Variants in GSTO2 observed in about 807,000 individuals in gnomAD.
GSTO2 encodes the protein glutathione S-transferase omega-2.
GSTO2 carries 23 observed loss-of-function variants against 28.4 expected under a neutral mutation model. The observed-to-expected ratio is 0.81, with a 90% CI of 0.58 to 1.15. GSTO2 has a LOEUF of 1.15. Ranked by LOEUF, GSTO2 falls within the 50% of genes most tolerant of loss-of-function variation. The pLI, the probability that GSTO2 is intolerant of heterozygous loss-of-function variation, is 0.00. For synonymous variants in GSTO2, 109 were observed against 111.0 expected (o/e 0.98, Z 0.11); for missense variants, 298 against 297.8 (o/e 1.00, Z 0.00).
intron 1 of GSTO2, among the ~76,000 whole-genome samples, 189 bp from the exon 2 acceptor site, chr10:104,274,496 T>TTA (rs2011537459): frequency 6.6e-6 from 1 of 151,908 alleles, no homozygotes; most frequent in African/African-American, 2.4e-5. Flanking sequence ...AGATTCAGAA[T>TTA]GGGAAAAAAA....
intron 5 of GSTO2, among the ~76,000 whole-genome samples, chr10:104,294,411 C>T (rs899629462): frequency 6.6e-6 from 1 of 152,138 alleles, no homozygotes; most frequent in Non-Finnish European, 1.5e-5. Flanking sequence ...TATCGAGAGT[C>T]CTGAGGACTT....
chr10:104,276,366 G>T (rs1208513467), intron 3 of GSTO2, among the ~76,000 whole-genome samples: 1 of 152,166 alleles, frequency 6.6e-6, no homozygotes, highest in African/African-American at 2.4e-5. Context: ...TATCAGCTTA[G>T]GAGCTGATGT....
In GSTO2 at chr10:104,299,414, A is replaced by G. The variant is rs879354005; in HGVS notation, c.*130A>G. ...GTTCCCAATAAAATGAAAACAGGAA[A>G]TGTATTCTTCTGATAATCATTTGTC... On this transcript the variant is annotated 3_prime_UTR_variant, in exon 7 of 7. Transcript: ENST00000338595. The G allele has an allele frequency of 1.0e-5, 11 of 1,048,762 alleles. No individual in the cohort carries two copies. Among genetic ancestry groups the G allele is most frequent in the Non-Finnish European group, 1.4e-5 (10 of 701,002 alleles). The allele number at this position is 1,048,762 out of a possible 1,614,324, so 65.0% of individuals were successfully genotyped here. A position where few individuals can be genotyped will look rare whatever the true frequency, so the allele number is the denominator to read the frequency against.
rs984589777 is a variant in GSTO2, at chr10:104,299,388, A to G, written c.*104A>G. The G allele has an allele frequency of 6.9e-6, 9 of 1,299,658 alleles. No homozygotes were observed. In the African/African-American group the frequency reaches 1.2e-4, roughly 17 times the overall value. 80.5% of individuals were successfully genotyped at this position (1,299,658 alleles called of 1,614,324 possible). A position where few individuals can be genotyped will look rare whatever the true frequency, so the allele number is the denominator to read the frequency against. On this transcript the variant is annotated 3_prime_UTR_variant, in exon 7 of 7. Transcript: ENST00000338595. ...ATCCGTCTCTCTTTCTTTTCTTTGA[A>G]GTTCCCAATAAAATGAAAACAGGAA...
At chr10:104,273,445 G>A (rs1007652654) in intron 1 of GSTO2, among the ~76,000 whole-genome samples, 1 of 152,204 alleles carries the variant, frequency 6.6e-6, no homozygotes, top group African/African-American at 2.4e-5. Context: ...AAAAAATGTA[G>A]TTGAGTCACT....
Position 104,275,297 on chromosome 10 carries a change from C to T in GSTO2, c.106C>T (p.His36Tyr). ...CAGCATGAGGTTCTGCCCCTATTCTCACAGGACCCGCCTCGTCCTCAAGGC... is the reference window on the plus strand; with the variant it reads ...CAGCATGAGGTTCTGCCCCTATTCTTACAGGACCCGCCTCGTCCTCAAGGC... ...IYSMRFCPYS[H>Y]RTRLVLKAKD... Residue 36 changes from histidine (H) to tyrosine (Y), a missense_variant, in exon 3 of 7, where the codon CAC (histidine) becomes TAC (tyrosine). By Grantham distance (83) the His-to-Tyr change is moderately conservative. Coordinates refer to ENST00000338595, the MANE Select transcript of GSTO2 (RefSeq NM_183239.2). 1 of 1,614,070 alleles carries T rather than the reference C, an allele frequency of 6.2e-7. No homozygotes were observed. The highest frequency in any genetic ancestry group is 1.3e-5 in the African/African-American group (1 of 75,040).
At chr10:104,275,506 T>G in intron 3 of GSTO2, among the ~76,000 whole-genome samples, 172 bp downstream of exon 3, 1 of 152,184 alleles carries the variant, frequency 6.6e-6, no homozygotes. Flanking sequence ...CGGGCCCTAC[T>G]GAAATGCGGA....
chr10:104,284,610 C>G (rs2012303082), intron 5 of GSTO2, among the ~76,000 whole-genome samples: 1 of 152,198 alleles, frequency 6.6e-6, no homozygotes. Context: ...AATCATTACT[C>G]TAAGCAGCAC....
At chr10:104,270,312 C>G (rs933701208) in intron 1 of GSTO2, among the ~76,000 whole-genome samples, 8 of 152,240 alleles carry the variant, frequency 5.3e-5, no homozygotes, top group East Asian at 1.9e-4. Context: ...CGCGCCCGGC[C>G]TGTATCTGCC....
intron 5 of GSTO2, among the ~76,000 whole-genome samples, chr10:104,283,225 C>A (rs1023981123): frequency 7.9e-5 from 12 of 152,206 alleles, no homozygotes; most frequent in Non-Finnish European, 8.8e-5. Context: ...TTTCACTAAC[C>A]AGCCTCGGTG....
At chr10:104,290,161 G>C (rs1197711850) in intron 5 of GSTO2, among the ~76,000 whole-genome samples, 1 of 152,190 alleles carries the variant, frequency 6.6e-6, no homozygotes, top group African/African-American at 2.4e-5. Flanking sequence ...GTTTACAATA[G>C]CTAAGATTTG....
chr10:104,293,866 C>G (rs2135139324), intron 5 of GSTO2, among the ~76,000 whole-genome samples: 1 of 149,558 alleles, frequency 6.7e-6, no homozygotes, highest in Admixed American at 6.6e-5. Context: ...TTGAATGACA[C>G]AGGGTTGACA....
In GSTO2 at chr10:104,302,159, A is replaced by T. The variant is rs2135158299; in HGVS notation, c.*2875A>T. The T allele has an allele frequency of 6.6e-6, 1 of 152,188 alleles. No individual in the cohort carries two copies. The highest frequency in any genetic ancestry group is 1.5e-5 in the Non-Finnish European group (1 of 68,018). 9.4% of individuals were successfully genotyped at this position (152,188 alleles called of 1,614,324 possible). On this transcript the variant is annotated 3_prime_UTR_variant, in exon 7 of 7. Transcript: ENST00000338595. ...TATAAAACCATTAGATCTCATGAGAACTCACTCACTGTCATGAGAAAAGCA... is the reference window on the plus strand; with the variant it reads ...TATAAAACCATTAGATCTCATGAGATCTCACTCACTGTCATGAGAAAAGCA...
intron 5 of GSTO2, chr10:104,291,543 A>G (rs1156707339): frequency 6.6e-6 from 1 of 152,318 alleles, no homozygotes; most frequent in Non-Finnish European, 1.5e-5. Flanking sequence ...CGCGCCTCGC[A>G]CTGATGGCCA....
At chr10:104,276,223 ATC>A (rs1164201019) in intron 3 of GSTO2, among the ~76,000 whole-genome samples, 1 of 152,228 alleles carries the variant, frequency 6.6e-6, no homozygotes, top group East Asian at 1.9e-4. Context: ...AATTATGTAA[ATC>A]TGCCTTGTTG....
chr10:104,293,594 G>GTTTTTT (rs2012888960), intron 5 of GSTO2, among the ~76,000 whole-genome samples: 3 of 71,456 alleles, frequency 4.2e-5, no homozygotes, highest in African/African-American at 1.7e-4. Context: ...TTGCGACAAG[G>GTTTTTT]TCTTTCTCTA....
intron 5 of GSTO2, among the ~76,000 whole-genome samples, chr10:104,292,012 T>G (rs555585884): frequency 1.3e-5 from 2 of 152,268 alleles, no homozygotes; most frequent in South Asian, 4.2e-4. Flanking sequence ...ATCTGAGGCC[T>G]AGAAGCTAGA....
In GSTO2 at chr10:104,304,248, C is replaced by T. The variant is rs1380687982; in HGVS notation, c.*4964C>T. On this transcript the variant is annotated 3_prime_UTR_variant, in exon 7 of 7. Transcript: ENST00000338595. Reference sequence around the variant, plus strand: ...TTCTTTGAGTGCCTGGAAGGCTGAACATTTGATCTTTTCAAACATTTTTCT... The same window carrying T: ...TTCTTTGAGTGCCTGGAAGGCTGAATATTTGATCTTTTCAAACATTTTTCT... 1.3e-5 allele frequency: 2 copies of T among 152,270 alleles called. No individual in the cohort carries two copies. The highest frequency in any genetic ancestry group is 3.8e-4 in the East Asian group (2 of 5,206). 9.4% of individuals were successfully genotyped at this position (152,270 alleles called of 1,614,324 possible).
chr10:104,269,831 T>C (rs2011300336), intron 1 of GSTO2, among the ~76,000 whole-genome samples: 1 of 152,218 alleles, frequency 6.6e-6, no homozygotes, highest in Non-Finnish European at 1.5e-5. Context: ...TACTATTAGC[T>C]ACGAATTACA....
Sources: gnomAD v4.1 joint callset for allele counts (sites outside exome capture counted in the v4.1 genomes callset) on GRCh38, gnomAD v4.1.1 for gene constraint, MANE v1.5 for transcripts, NCBI Gene and HGNC (gene_info 2026-07-23, HGNC 2026-07-21) for gene names.